MTUS2: variants seen among roughly 807,000 people sequenced by gnomAD.
MTUS2 encodes microtubule-associated tumor suppressor candidate 2.
In MTUS2, 40 loss-of-function variants were observed where a neutral mutation model predicts 114.1. The observed-to-expected ratio is 0.35, with a 90% confidence interval of 0.27 to 0.46. The LOEUF (loss-of-function observed/expected upper bound fraction) is 0.46, where lower values mean the gene tolerates loss of function less well. MTUS2 is among the 20% of genes least tolerant of loss of function. The pLI, the probability that MTUS2 is intolerant of heterozygous loss-of-function variation, is 1.00. For missense variants in MTUS2, 1,679 were observed against 1,705.4 expected, an observed-to-expected ratio of 0.98 and a Z score of 0.27; for synonymous variants, 688 against 672.0, an observed-to-expected ratio of 1.02 and a Z score of -0.37.
intron 7 of MTUS2, among the ~76,000 whole-genome samples, chr13:29,355,738 T>C (rs533741944): frequency 6.6e-6 from 1 of 152,320 alleles, no homozygotes; most frequent in Non-Finnish European, 1.5e-5. Flanking sequence ...GTGTAGGTCA[T>C]GACGAAACAC....
At chr13:29,269,079 T>C (rs1897779287) in intron 5 of MTUS2, among the ~76,000 whole-genome samples, 1 of 152,144 alleles carries the variant, frequency 6.6e-6, no homozygotes, top group Non-Finnish European at 1.5e-5. Flanking sequence ...AGCAGAACAG[T>C]GTCTCAGGAA....
intron 6 of MTUS2, chr13:29,306,927 T>C: frequency 1.9e-6 from 1 of 538,906 alleles, no homozygotes; most frequent in South Asian, 1.4e-5. Context: ...TCCAGTATGG[T>C]TCTACCCATG....
At chr13:28,865,348 T>G (rs1310031951) in intron 2 of MTUS2, among the ~76,000 whole-genome samples, 1 of 152,182 alleles carries the variant, frequency 6.6e-6, no homozygotes, top group African/African-American at 2.4e-5. Flanking sequence ...GGAGTCCTTT[T>G]TATTTTCATG....
intron 10 of MTUS2, among the ~76,000 whole-genome samples, chr13:29,485,611 A>G (rs1409908803): frequency 1.3e-5 from 2 of 152,322 alleles, no homozygotes; most frequent in East Asian, 1.9e-4. Flanking sequence ...TGTAAGGAAT[A>G]TATCATGCCA....
intron 2 of MTUS2, among the ~76,000 whole-genome samples, chr13:29,016,547 A>ATTT (rs1436307516): frequency 6.6e-6 from 1 of 152,164 alleles, no homozygotes; most frequent in Non-Finnish European, 1.5e-5. Flanking sequence ...TGTAGAGGGG[A>ATTT]AATAGCAGCA....
At chr13:29,238,249 T>A (rs1467694772) in intron 5 of MTUS2, among the ~76,000 whole-genome samples, 1 of 152,254 alleles carries the variant, frequency 6.6e-6, no homozygotes, top group African/African-American at 2.4e-5. Flanking sequence ...TCCTGTCATT[T>A]ATGATAACAT....
intron 11 of MTUS2, among the ~76,000 whole-genome samples, chr13:29,492,132 TGTG>T (rs1882195258): frequency 9.5e-6 from 1 of 104,862 alleles, no homozygotes; most frequent in Admixed American, 1.1e-4. Context: ...GTGTATGTGA[TGTG>T]TGTGGTAGGT....
chr13:28,952,426 CT>C (rs1477964103), intron 2 of MTUS2, among the ~76,000 whole-genome samples: 1 of 152,184 alleles, frequency 6.6e-6, no homozygotes, highest in Non-Finnish European at 1.5e-5. Context: ...ATGTACATTC[CT>C]GCAAATTAGT....
chr13:29,101,057 T>C, intron 5 of MTUS2, 87 bp downstream of exon 5: 1 of 1,351,392 alleles, frequency 7.4e-7, no homozygotes. Flanking sequence ...TTTGCATGAT[T>C]ATTTAAGAAT....
At chr13:28,905,176 G>A (rs150059174) in intron 2 of MTUS2, among the ~76,000 whole-genome samples, 4,354 of 151,486 alleles carry the variant, frequency 0.029, 317 homozygotes, top group African/African-American at 0.1. Context: ...GGGTTTTCTA[G>A]ATATACAATC....
intron 5 of MTUS2, among the ~76,000 whole-genome samples, chr13:29,106,728 C>A (rs1476297771): frequency 6.6e-6 from 1 of 152,022 alleles, no homozygotes; most frequent in African/African-American, 2.4e-5. Flanking sequence ...CTGGCACTTA[C>A]CACATCCTCA....
chr13:29,200,521 G>GTTGT (rs1555250862), intron 5 of MTUS2, among the ~76,000 whole-genome samples: 27 of 85,432 alleles, frequency 3.2e-4, no homozygotes, highest in African/African-American at 1.2e-3. Context: ...TTCTTTTTCT[G>GTTGT]TTTTTTTTTT....
intron 2 of MTUS2, among the ~76,000 whole-genome samples, chr13:28,863,431 G>A (rs928666690): frequency 2.6e-5 from 4 of 152,304 alleles, no homozygotes; most frequent in Admixed American, 2.0e-4. Context: ...GGTGTGTCAA[G>A]CCTTGTCAAC....
chr13:28,868,982 G>A (rs550932113), intron 2 of MTUS2, among the ~76,000 whole-genome samples: 2 of 152,226 alleles, frequency 1.3e-5, no homozygotes, highest in Admixed American at 1.3e-4. Flanking sequence ...TTACTCTTAG[G>A]TGCAAGCACG....
chr13:29,397,876 C>G (rs1353830704), intron 8 of MTUS2, among the ~76,000 whole-genome samples: 2 of 152,096 alleles, frequency 1.3e-5, no homozygotes, highest in Non-Finnish European at 2.9e-5. Context: ...TAAATTAAAC[C>G]AGGTTTGTTT....
In MTUS2 at chr13:29,148,710, C is replaced by T. The variant is rs1423783215; in HGVS notation, c.2644+47740C>T. On this transcript the variant is annotated intron_variant, in intron 5 of 15. Transcript: ENST00000612955. ...AGCCGGGATGGTCTCGATCTCCTGA[C>T]CTCGTGATCCGCCCGCCTCGGCCTC... 9.0e-5 allele frequency among the ~76,000 whole-genome samples: 6 copies of T among 66,988 alleles called. 1 individual carries two copies. Among genetic ancestry groups the T allele is most frequent in the African/African-American group, 1.9e-4 (6 of 31,070 alleles). The allele number at this position is 66,988 out of a possible 152,430, so 43.9% of individuals were successfully genotyped here. A position where few individuals can be genotyped will look rare whatever the true frequency, so the allele number is the denominator to read the frequency against.
chr13:29,402,514 CAG>C (rs1379895862), intron 8 of MTUS2, among the ~76,000 whole-genome samples: 6 of 144,566 alleles, frequency 4.2e-5, no homozygotes, highest in Non-Finnish European at 9.4e-5. Context: ...GAAAAACAAA[CAG>C]AAGATACAGG....
At chr13:28,959,007 C>CT (rs1439445577) in intron 2 of MTUS2, among the ~76,000 whole-genome samples, 1 of 152,184 alleles carries the variant, frequency 6.6e-6, no homozygotes, top group African/African-American at 2.4e-5. Context: ...GGCAGACCAG[C>CT]TAGAGACCTC....
chr13:29,021,934 G>A (rs765529525), intron 2 of MTUS2, among the ~76,000 whole-genome samples: 28 of 152,186 alleles, frequency 1.8e-4, no homozygotes, highest in Non-Finnish European at 4.0e-4. Context: ...TACTGGCTTA[G>A]TGGAGATAAG....
Sources: allele counts gnomAD v4.1 joint callset (sites outside exome capture counted in the v4.1 genomes callset), GRCh38; gene constraint gnomAD v4.1.1; transcripts MANE v1.5; gene names NCBI Gene and HGNC (gene_info 2026-07-23, HGNC 2026-07-21).